The following SEMA5A variants were observed in gnomAD, a reference collection of about 807,000 sequenced individuals.
SEMA5A encodes the protein semaphorin 5A.
SEMA5A carries 55 observed loss-of-function variants against 135.5 expected under a neutral mutation model. The ratio of observed to expected loss-of-function variants is 0.41; its 90% CI spans 0.33 to 0.51. The LOEUF (loss-of-function observed/expected upper bound fraction) is 0.51. SEMA5A is among the 20% of genes least tolerant of loss of function. The pLI, the probability that SEMA5A is intolerant of heterozygous loss-of-function variation, is 0.37. For missense variants in SEMA5A, 1,290 were observed against 1,419.9 expected (o/e 0.91, Z 1.47); for synonymous variants, 580 against 546.5 (o/e 1.06, Z -0.85).
chr5:9,102,409 A>G (rs189596289), intron 16 of SEMA5A, among the ~76,000 whole-genome samples: 8 of 152,316 alleles, frequency 5.3e-5, no homozygotes, highest in African/African-American at 1.9e-4. Flanking sequence ...TACATTGTCC[A>G]TGGAACACGA....
intron 6 of SEMA5A, among the ~76,000 whole-genome samples, chr5:9,234,240 C>A (rs1431780757): frequency 6.6e-6 from 1 of 152,172 alleles, no homozygotes. Flanking sequence ...AGGGGGCAGT[C>A]CTTCGGAGGC....
intron 5 of SEMA5A, among the ~76,000 whole-genome samples, chr5:9,259,439 C>A (rs1272117806): frequency 1.3e-5 from 2 of 151,276 alleles, no homozygotes; most frequent in Non-Finnish European, 2.9e-5. Context: ...AATTTCTGTT[C>A]TTTTACATTT....
intron 5 of SEMA5A, among the ~76,000 whole-genome samples, chr5:9,283,631 G>A (rs947185700): frequency 6.6e-6 from 1 of 152,170 alleles, no homozygotes; most frequent in Non-Finnish European, 1.5e-5. Context: ...AAGGGGAGGG[G>A]ATGATATAGG....
At chr5:9,425,988 G>T (rs1187797939) in intron 2 of SEMA5A, among the ~76,000 whole-genome samples, 3 of 152,266 alleles carry the variant, frequency 2.0e-5, no homozygotes, top group Non-Finnish European at 4.4e-5. Context: ...ATTAGAACCT[G>T]CATGCTTGTT....
chr5:9,447,474 G>C (rs1024226700), intron 1 of SEMA5A, among the ~76,000 whole-genome samples: 67 of 152,204 alleles, frequency 4.4e-4, no homozygotes, highest in African/African-American at 1.6e-3. Context: ...CCAATGACCT[G>C]TCAGGTCTTT....
At chr5:9,208,696 TC>T (rs1414919783) in intron 8 of SEMA5A, among the ~76,000 whole-genome samples, 1 of 151,566 alleles carries the variant, frequency 6.6e-6, no homozygotes, top group African/African-American at 2.4e-5. Flanking sequence ...ATCAAAGAGA[TC>T]AACAGGACGG....
At chr5:9,542,682 T>G (rs1334506400) in intron 1 of SEMA5A, among the ~76,000 whole-genome samples, 1 of 152,226 alleles carries the variant, frequency 6.6e-6, no homozygotes, top group African/African-American at 2.4e-5. Flanking sequence ...TGGTATAATT[T>G]TAGAATCAAG....
At position 9,052,038 on chromosome 5, in the gene SEMA5A, C is replaced by A. The variant is rs1324139897; in HGVS notation, c.2690-10G>T. ...CACTCCGACCAGCTCTCTGCAGAGA[C>A]CAGAAAAGGGGAGATGGGGCGGAAT... On this transcript the variant is annotated splice_polypyrimidine_tract_variant and intron_variant, in intron 19 of 22. Transcript: ENST00000382496. The A allele has an allele frequency of 6.3e-7, 1 of 1,577,082 alleles. No homozygotes were observed. Among genetic ancestry groups the A allele is most frequent in the Admixed American group, 1.8e-5 (1 of 54,400 alleles).
chr5:9,062,638 G>A (rs1054009739), intron 18 of SEMA5A, among the ~76,000 whole-genome samples: 1 of 152,028 alleles, frequency 6.6e-6, no homozygotes, highest in Non-Finnish European at 1.5e-5. Context: ...GCTAATTTTT[G>A]TATTTTTCGT....
chr5:9,380,390 C>T (rs763818721), intron 2 of SEMA5A, among the ~76,000 whole-genome samples: 18 of 152,160 alleles, frequency 1.2e-4, no homozygotes, highest in Non-Finnish European at 1.9e-4. Context: ...TAACCCCTTG[C>T]GCAAACACAG....
intron 1 of SEMA5A, among the ~76,000 whole-genome samples, chr5:9,495,783 G>T (rs1016903538): frequency 6.6e-6 from 1 of 152,180 alleles, no homozygotes; most frequent in African/African-American, 2.4e-5. Context: ...ACTATTTGTA[G>T]TTTATCCTTA....
At chr5:9,137,621 TG>T (rs1359741060) in intron 12 of SEMA5A, among the ~76,000 whole-genome samples, 1 of 152,146 alleles carries the variant, frequency 6.6e-6, no homozygotes, top group African/African-American at 2.4e-5. Context: ...AATGCCAGCA[TG>T]GAGGTGCCAA....
chr5:9,051,786 GCCAA>G, intron 20 of SEMA5A, 83 bp downstream of exon 20: 2 of 1,536,776 alleles, frequency 1.3e-6, no homozygotes, highest in Non-Finnish European at 1.8e-6. Flanking sequence ...CACCAAATAA[GCCAA>G]ATAAAACTCT....
rs62343773 is a variant in SEMA5A at position 9,425,152 on chromosome 5, C to A, written c.-78+12604G>T. ...CTTTCCCCACTACACACAAACCAATCCAAAGTTGTCCCCTGTTCACTCTCT... is the reference window on the plus strand; with the variant it reads ...CTTTCCCCACTACACACAAACCAATACAAAGTTGTCCCCTGTTCACTCTCT... On this transcript the variant is annotated intron_variant, in intron 2 of 22. Transcript: ENST00000382496. 4.2e-3 allele frequency among the ~76,000 whole-genome samples: 647 copies of A among 152,298 alleles called. 3 individuals are homozygous for A. The highest frequency in any genetic ancestry group is 7.7e-3 in the Non-Finnish European group (524 of 68,026).
At chr5:9,492,777 T>C (rs1488344030) in intron 1 of SEMA5A, among the ~76,000 whole-genome samples, 1 of 152,164 alleles carries the variant, frequency 6.6e-6, no homozygotes, top group Admixed American at 6.6e-5. Context: ...AAAGGCTACA[T>C]ACTATGTGAT....
intron 21 of SEMA5A, among the ~76,000 whole-genome samples, chr5:9,048,036 C>CTGTT (rs1187074166): frequency 1.3e-5 from 2 of 152,254 alleles, no homozygotes; most frequent in Non-Finnish European, 2.9e-5. Context: ...GAGGCATCAG[C>CTGTT]TGTTTGAGCC....
chr5:9,365,135 T>C (rs921715845), intron 3 of SEMA5A, among the ~76,000 whole-genome samples: 3 of 152,276 alleles, frequency 2.0e-5, no homozygotes, highest in South Asian at 2.1e-4. Flanking sequence ...TTAGAAAATA[T>C]ACAGAACTGA....
intron 12 of SEMA5A, among the ~76,000 whole-genome samples, chr5:9,153,244 T>C (rs1742732731): frequency 6.6e-6 from 1 of 152,154 alleles, no homozygotes; most frequent in Non-Finnish European, 1.5e-5. Flanking sequence ...TACACCCTGC[T>C]TTAGGAGTGG....
rs1354669893 is a variant in SEMA5A at position 9,190,438 on chromosome 5, G to T, written c.1102C>A (p.Leu368Met). ...GTVDQGLYVN[L>M]TERNLQDAQK... ...GCATCCTGCAGATTTCTCTCGGTCA[G>T]GTTCACGTACAGGCCCTGGTCCACG... is the stretch of plus-strand genomic sequence containing the variant. The change falls in exon 11 of 23, where the codon CTG becomes ATG. Residue 368 changes from leucine to methionine, a missense_variant. Around this residue, in one of 3 missense-constraint regions of SEMA5A, gnomAD observed 1,029 missense variants for 1,086.6 expected, o/e 0.95. Transcript: ENST00000382496. 3 of 1,613,688 alleles carry T rather than the reference G, an allele frequency of 1.9e-6. No individual in the cohort carries two copies. Among genetic ancestry groups the T allele is most frequent in the Non-Finnish European group, 2.5e-6 (3 of 1,180,050 alleles).
Sources: gnomAD v4.1 joint callset for allele counts (sites outside exome capture counted in the v4.1 genomes callset) on GRCh38, gnomAD v4.1.1 for gene constraint, gnomAD v4.1.1 regional missense constraint, MANE v1.5 for transcripts, NCBI Gene and HGNC (gene_info 2026-07-23, HGNC 2026-07-21) for gene names.